SEPTIN9: variants seen among roughly 807,000 people sequenced by gnomAD.
The protein encoded by SEPTIN9 is septin-9.
In SEPTIN9, 13 loss-of-function variants were observed where a neutral mutation model predicts 56.6. The observed-to-expected ratio is 0.23, with a 90% CI of 0.15 to 0.37. The LOEUF is 0.37. Among genes scored for constraint, SEPTIN9 ranks in the 10% least tolerant of loss-of-function variants. SEPTIN9 has a pLI of 1.00. For missense variants in SEPTIN9, 650 were observed against 823.1 expected (o/e 0.79, Z 2.57); for synonymous variants, 332 against 334.1 (o/e 0.99, Z 0.07).
chr17:77,292,190 GTGCA>G (rs1361318003), intron 1 of SEPTIN9, among the ~76,000 whole-genome samples: 1 of 152,112 alleles, frequency 6.6e-6, no homozygotes, highest in African/African-American at 2.4e-5. Context: ...CTCATTACTT[GTGCA>G]ACAGTTTCTT....
chr17:77,465,331 A>G (rs2038666451), intron 3 of SEPTIN9, among the ~76,000 whole-genome samples: 1 of 152,194 alleles, frequency 6.6e-6, no homozygotes, highest in Non-Finnish European at 1.5e-5. Flanking sequence ...TTGTGTGAAC[A>G]TGTTTTCATT....
At chr17:77,285,039 CATGATT>C (rs1290146403) in intron 1 of SEPTIN9, among the ~76,000 whole-genome samples, 1 of 152,218 alleles carries the variant, frequency 6.6e-6, no homozygotes, top group Non-Finnish European at 1.5e-5. Flanking sequence ...CTGTCATGAT[CATGATT>C]GTCATTGACA....
chr17:77,487,148 C>T lies in SEPTIN9; in HGVS notation c.914-276C>T, dbSNP rs563404828. Reference sequence around the variant, plus strand: ...AAAGCACAAGGGGCACAAGAGATGCCGACTCTCCCAGGCCCGGCTCACCTC... The same window carrying T: ...AAAGCACAAGGGGCACAAGAGATGCTGACTCTCCCAGGCCCGGCTCACCTC... On this transcript the variant is annotated intron_variant, in intron 4 of 11. Coordinates refer to ENST00000427177, the MANE Select transcript of SEPTIN9 (RefSeq NM_001113491.2). This position sits in a 1 kb window ranked among gnomAD's most constrained non-coding sequence, Gnocchi z 4.3. Among the ~76,000 whole-genome samples, 8 of 152,338 alleles carry T rather than the reference C, an allele frequency of 5.3e-5. No homozygotes were observed. Among genetic ancestry groups the T allele is most frequent in the South Asian group, 2.1e-4 (1 of 4,828 alleles).
At position 77,435,601 on chromosome 17, in the gene SEPTIN9, T is replaced by A. The variant is rs567902562; in HGVS notation, c.721+32898T>A. On this transcript the variant is annotated intron_variant, in intron 3 of 11. Transcript: ENST00000427177. The surrounding 1 kb of genome is among the most constrained non-coding windows in gnomAD (Gnocchi z 4.5). Reference sequence around the variant, plus strand: ...GTGGTCACTCATCAGCACAGCCCAGTCTCACACATGTCACTCCCAAAGGAT... The same window carrying A: ...GTGGTCACTCATCAGCACAGCCCAGACTCACACATGTCACTCCCAAAGGAT... Among the ~76,000 whole-genome samples the A allele has an allele frequency of 2.0e-5, 3 of 152,280 alleles. No homozygotes were observed. Among genetic ancestry groups the A allele is most frequent in the African/African-American group, 7.2e-5 (3 of 41,544 alleles).
rs926838258 is a variant in SEPTIN9, at chr17:77,421,827, C to T, written c.721+19124C>T. 5.3e-5 allele frequency among the ~76,000 whole-genome samples: 8 copies of T among 152,124 alleles called. No individual in the cohort carries two copies. Among genetic ancestry groups the T allele is most frequent in the African/African-American group, 1.4e-4 (6 of 41,530 alleles). ...CATTTCACAGTCGAGACACCCTGGC[C>T]GAAGGTTCTGCTAAGCTCCATGGAG... On this transcript the variant is annotated intron_variant, in intron 3 of 11. Coordinates refer to ENST00000427177, the MANE Select transcript of SEPTIN9 (RefSeq NM_001113491.2). This position sits in a 1 kb window ranked among gnomAD's most constrained non-coding sequence, Gnocchi z 4.6.
intron 2 of SEPTIN9, among the ~76,000 whole-genome samples, chr17:77,358,428 C>CT (rs1282546007): frequency 6.6e-6 from 1 of 152,152 alleles, no homozygotes; most frequent in Admixed American, 6.5e-5. Context: ...CAAGACCAGC[C>CT]TGGCCAACAT....
intron 3 of SEPTIN9, chr17:77,481,820 G>A (rs1025636655): frequency 2.3e-5 from 9 of 392,616 alleles, no homozygotes; most frequent in Non-Finnish European, 4.2e-5. Flanking sequence ...AGGAGTTCAG[G>A]GTCAGCCCTG....
chr17:77,310,597 AT>A lies in SEPTIN9; in HGVS notation c.76+3403del, dbSNP rs35964300. Among the ~76,000 whole-genome samples the A allele has an allele frequency of 0.7, 106,282 of 151,956 alleles. 37,659 individuals are homozygous for A. The highest frequency in any genetic ancestry group is 0.82 in the African/African-American group (34,134 of 41,442). The stretch of plus-strand genomic sequence containing the variant: ...CGGGAACGTGTGTTTCCCCAGGTGG[AT>A]TTGGCTGGGCTGTGGAGATGCGCTT... On this transcript the variant is annotated intron_variant, in intron 2 of 11. Transcript: ENST00000427177. This position sits in a 1 kb window ranked among gnomAD's most constrained non-coding sequence, Gnocchi z 4.7.
chr17:77,303,290 G>A (rs186220011), intron 1 of SEPTIN9, among the ~76,000 whole-genome samples: 1 of 151,542 alleles, frequency 6.6e-6, no homozygotes, highest in African/African-American at 2.4e-5. Context: ...TAGTAGAGAT[G>A]GGGTTTCCCT....
chr17:77,290,738 C>T (rs1012984946), intron 1 of SEPTIN9, among the ~76,000 whole-genome samples: 41 of 150,362 alleles, frequency 2.7e-4, no homozygotes, highest in African/African-American at 8.0e-4. Flanking sequence ...TGGCATGAAC[C>T]CGGAAGGCGG....
At chr17:77,305,464 C>T in intron 1 of SEPTIN9, among the ~76,000 whole-genome samples, 1 of 152,136 alleles carries the variant, frequency 6.6e-6, no homozygotes. Context: ...TCCTTCAAGG[C>T]TCAGCTTTGT....
chr17:77,481,969 C>T (rs1272465156), intron 3 of SEPTIN9, 175 bp from the exon 4 acceptor site: 6 of 630,334 alleles, frequency 9.5e-6, no homozygotes, highest in Admixed American at 8.8e-5. Flanking sequence ...GAGGACACCA[C>T]GGCCAGGGAC....
At chr17:77,382,508 C>G (rs1294636580) in intron 2 of SEPTIN9, among the ~76,000 whole-genome samples, 1 of 152,188 alleles carries the variant, frequency 6.6e-6, no homozygotes, top group East Asian at 1.9e-4. Flanking sequence ...TGGAGGGGCC[C>G]TGCTGCGCAC....
At chr17:77,307,233 CATGGGT>C (rs1423943999) in intron 2 of SEPTIN9, 36 bp downstream of exon 2, 1 of 1,582,396 alleles carries the variant, frequency 6.3e-7, no homozygotes, top group Non-Finnish European at 8.7e-7. Context: ...CCACCCAGCT[CATGGGT>C]GTGTTTGTGC....
chr17:77,439,796 C>T (rs1430480776), intron 3 of SEPTIN9, among the ~76,000 whole-genome samples: 1 of 152,258 alleles, frequency 6.6e-6, no homozygotes, highest in Non-Finnish European at 1.5e-5. Context: ...GCCTTCGCCT[C>T]TGCAGGCCCC....
intron 2 of SEPTIN9, among the ~76,000 whole-genome samples, chr17:77,381,954 C>T (rs426439): frequency 0.27 from 40,701 of 151,982 alleles, 5,934 homozygotes; most frequent in East Asian, 0.49. Flanking sequence ...AACCAGAGAC[C>T]GGGGTAGGAG....
At chr17:77,338,575 C>G (rs775380344) in intron 2 of SEPTIN9, among the ~76,000 whole-genome samples, 2 of 152,096 alleles carry the variant, frequency 1.3e-5, no homozygotes, top group African/African-American at 4.8e-5. Flanking sequence ...CCTGCCACCA[C>G]GCCTGGCTAA....
rs1455994710 is a variant in SEPTIN9, at chr17:77,402,594, A to G, written c.612A>G (p.Pro204=). 11 of 1,612,410 alleles carry G rather than the reference A, an allele frequency of 6.8e-6. No homozygotes were observed. The highest frequency in any genetic ancestry group is 9.3e-6 in the Non-Finnish European group (11 of 1,179,490). Residue 204 remains proline (P), a synonymous_variant, in exon 3 of 12, where the codon CCA becomes CCG. Transcript: ENST00000427177. This position sits in a 1 kb window ranked among gnomAD's most constrained non-coding sequence, Gnocchi z 6.6. ...CTGAGGCGCCCACCGCCCCCAGCCC[A>G]GCCCAGACCTTGGAGAATTCAGAGC... is the stretch of plus-strand genomic sequence containing the variant. ...KPAEAPTAPS[P]AQTLENSEPA...
At chr17:77,430,418 A>G (rs2037083837) in intron 3 of SEPTIN9, among the ~76,000 whole-genome samples, 1 of 152,152 alleles carries the variant, frequency 6.6e-6, no homozygotes, top group African/African-American at 2.4e-5. Context: ...TAGGCCGTGG[A>G]TAGAGCAGAG....
Sources: allele counts gnomAD v4.1 joint callset (sites outside exome capture counted in the v4.1 genomes callset), GRCh38; gene constraint gnomAD v4.1.1; non-coding constraint Gnocchi (gnomAD v3.1); transcripts MANE v1.5; gene names NCBI Gene and HGNC (gene_info 2026-07-23, HGNC 2026-07-21).